The following PLXNA4 variants were observed in gnomAD, a reference collection of about 807,000 sequenced individuals.
PLXNA4 encodes plexin A4.
PLXNA4 carries 44 observed loss-of-function variants against 191.8 expected under a neutral mutation model. The observed-to-expected ratio is 0.23, with a 90% CI of 0.18 to 0.29. The LOEUF (loss-of-function observed/expected upper bound fraction) is 0.29, where lower values mean the gene tolerates loss of function less well. Among genes scored for constraint, PLXNA4 ranks in the 10% least tolerant of loss-of-function variants. The probability of loss-of-function intolerance (pLI) is 1.00; values close to 1 mark genes in which losing one functional copy is unlikely to be tolerated. For synonymous variants in PLXNA4, 1,082 were observed against 1,009.5 expected, an observed-to-expected ratio of 1.07 and a Z score of -1.36; for missense variants, 1,800 against 2,488.8, an observed-to-expected ratio of 0.72 and a Z score of 5.89.
At chr7:132,568,296 G>C (rs758671420) in intron 1 of PLXNA4, among the ~76,000 whole-genome samples, 15 of 152,190 alleles carry the variant, frequency 9.9e-5, no homozygotes, top group Non-Finnish European at 1.9e-4. Context: ...AAGGCTGGCT[G>C]TTGCTTAGTA....
chr7:132,602,234 G>GTCCA (rs1027743678), intron 2 of PLXNA4, among the ~76,000 whole-genome samples: 1 of 152,122 alleles, frequency 6.6e-6, no homozygotes, highest in African/African-American at 2.4e-5. Flanking sequence ...TGAGAACTTT[G>GTCCA]TCCACCCTTT....
chr7:132,626,159 G>T (rs906599905), intron 2 of PLXNA4, among the ~76,000 whole-genome samples: 5 of 152,146 alleles, frequency 3.3e-5, no homozygotes, highest in Non-Finnish European at 5.9e-5. Context: ...AGTAGGCCTT[G>T]TAGACTTTAC....
intron 3 of PLXNA4, among the ~76,000 whole-genome samples, chr7:132,357,487 G>A (rs1803757353): frequency 6.6e-6 from 1 of 152,176 alleles, no homozygotes; most frequent in Non-Finnish European, 1.5e-5. Flanking sequence ...TGTAAATAGA[G>A]TAGTGCAATA....
intron 14 of PLXNA4, among the ~76,000 whole-genome samples, chr7:132,191,885 A>G (rs1280583217): frequency 2.0e-5 from 3 of 152,056 alleles, no homozygotes; most frequent in African/African-American, 7.3e-5. Context: ...AAATATATAT[A>G]CATTTCTCAT....
At chr7:132,526,208 G>A (rs530521008) in intron 1 of PLXNA4, among the ~76,000 whole-genome samples, 71 of 152,270 alleles carry the variant, frequency 4.7e-4, no homozygotes, top group South Asian at 3.7e-3. Context: ...GGTGCGAGTG[G>A]TATAGACTGC....
intron 1 of PLXNA4, among the ~76,000 whole-genome samples, chr7:132,563,442 TTC>T: frequency 1.9e-5 from 1 of 53,516 alleles, no homozygotes; most frequent in Non-Finnish European, 3.5e-5. Flanking sequence ...CCTCCTCCTC[TTC>T]CTCCTCCTCC....
chr7:132,643,401 G>A (rs544167390), intron 2 of PLXNA4, among the ~76,000 whole-genome samples: 1 of 152,012 alleles, frequency 6.6e-6, no homozygotes, highest in South Asian at 2.1e-4. Flanking sequence ...CAGGTGTGCT[G>A]ACTCACTTGA....
At chr7:132,242,551 C>G (rs182120545) in intron 4 of PLXNA4, among the ~76,000 whole-genome samples, 1 of 152,094 alleles carries the variant, frequency 6.6e-6, no homozygotes, top group Admixed American at 6.5e-5. Flanking sequence ...CTTTCTTATT[C>G]CCTTTATGCA....
At chr7:132,180,558 A>T in intron 19 of PLXNA4, 28 bp downstream of exon 19, 5 of 1,613,848 alleles carry the variant, frequency 3.1e-6, no homozygotes, top group Non-Finnish European at 4.2e-6. Context: ...TGCCCGCTCC[A>T]TCCAGGATGG....
chr7:132,604,037 G>T (rs1802873551), intron 2 of PLXNA4, among the ~76,000 whole-genome samples: 1 of 152,100 alleles, frequency 6.6e-6, no homozygotes, highest in Non-Finnish European at 1.5e-5. Context: ...ATCCAATTGG[G>T]TTATTTGCCC....
chr7:132,168,151 G>A (rs11763166), intron 22 of PLXNA4, among the ~76,000 whole-genome samples, 153 bp downstream of exon 22: 68,070 of 152,036 alleles, frequency 0.45, 17,041 homozygotes, highest in Middle Eastern at 0.57. Flanking sequence ...TTCTAAGGGG[G>A]CCTGCAATGT....
At chr7:132,347,293 T>C (rs137859891) in intron 3 of PLXNA4, among the ~76,000 whole-genome samples, 16 of 152,220 alleles carry the variant, frequency 1.1e-4, no homozygotes, top group African/African-American at 3.9e-4. Flanking sequence ...CAAGGGCCCA[T>C]ATGAGGCGGG....
intron 3 of PLXNA4, among the ~76,000 whole-genome samples, chr7:132,346,085 A>T (rs555255689): frequency 2.3e-4 from 35 of 152,298 alleles, no homozygotes; most frequent in African/African-American, 7.7e-4. Context: ...GCACTGACTT[A>T]ACCTTGTTCC....
At chr7:132,172,754 AAAGTAT>A (rs1796327987) in intron 21 of PLXNA4, among the ~76,000 whole-genome samples, 1 of 109,032 alleles carries the variant, frequency 9.2e-6, no homozygotes, top group East Asian at 2.1e-4. Context: ...CCTAAAACTT[AAAGTAT>A]AATAATAATA....
intron 3 of PLXNA4, among the ~76,000 whole-genome samples, chr7:132,309,693 C>G (rs1384221401): frequency 6.6e-6 from 1 of 152,146 alleles, no homozygotes; most frequent in Non-Finnish European, 1.5e-5. Flanking sequence ...GTGCTTCATG[C>G]TGTTACACCA....
chr7:132,241,266 A>AAAAC, intron 4 of PLXNA4, 100 bp from the exon 5 acceptor site: 2 of 796,972 alleles, frequency 2.5e-6, no homozygotes, highest in Non-Finnish European at 3.9e-6. Flanking sequence ...TATCACCTGA[A>AAAAC]ATGTTGCAGG....
intron 3 of PLXNA4, among the ~76,000 whole-genome samples, chr7:132,321,823 C>T (rs1034886045): frequency 6.6e-6 from 1 of 152,006 alleles, no homozygotes; most frequent in African/African-American, 2.4e-5. Flanking sequence ...GGGTGGCCAC[C>T]CTCCCAGGAG....
chr7:132,136,830 C>G (rs1159139032), intron 30 of PLXNA4, among the ~76,000 whole-genome samples: 2 of 152,184 alleles, frequency 1.3e-5, no homozygotes, highest in Non-Finnish European at 2.9e-5. Flanking sequence ...ATATTTCCAG[C>G]CTGATGCTCT....
chr7:132,185,415 C>T lies in PLXNA4; in HGVS notation c.3042G>A (p.Val1014=). ...CCTGCACCGACACCTTCATCTCTAG[C>T]ACCTCATCTGAGGATGTGGTGTTGC... is the stretch of plus-strand genomic sequence containing the variant. ...IVCNTTSSDE[V]LEMKVSVQVD... Residue 1014 remains valine (V), a synonymous_variant, in exon 16 of 32, where the codon GTG becomes GTA. Coordinates refer to ENST00000321063, the MANE Select transcript of PLXNA4 (RefSeq NM_020911.2). The T allele has an allele frequency of 6.2e-7, 1 of 1,614,084 alleles. No individual in the cohort carries two copies. Among genetic ancestry groups the T allele is most frequent in the South Asian group, 1.1e-5 (1 of 91,066 alleles).
Sources: allele counts gnomAD v4.1 joint callset (sites outside exome capture counted in the v4.1 genomes callset), GRCh38; gene constraint gnomAD v4.1.1; transcripts MANE v1.5; gene names NCBI Gene and HGNC (gene_info 2026-07-23, HGNC 2026-07-21).